DST: variants seen among roughly 807,000 people sequenced by gnomAD.
The protein encoded by DST is dystonin, also known as bullous pemphigoid antigen.
In DST, 253 loss-of-function variants were observed where a neutral mutation model predicts 875.2. The observed-to-expected ratio is 0.29, with a 90% CI of 0.26 to 0.32. The LOEUF (loss-of-function observed/expected upper bound fraction) is 0.32. Ranked by LOEUF, DST falls within the 10% of genes least tolerant of loss-of-function variation. DST has a pLI of 1.00. For synonymous variants in DST, 3,124 were observed against 3,197.1 expected (o/e 0.98, Z 0.77); for missense variants, 8,287 against 9,111.6 (o/e 0.91, Z 3.68).
At chr6:56,674,503 G>T (rs1047171287) in intron 9 of DST, among the ~76,000 whole-genome samples, 1 of 152,032 alleles carries the variant, frequency 6.6e-6, no homozygotes, top group African/African-American at 2.4e-5. Context: ...CACCATGTTG[G>T]CCAGGCTGGT....
chr6:56,469,759 T>C (rs1459687599), intron 97 of DST, 124 bp downstream of exon 97: 10 of 802,338 alleles, frequency 1.2e-5, no homozygotes, highest in Non-Finnish European at 1.9e-5. Flanking sequence ...CATATACCAT[T>C]AAATTTTGAC....
intron 74 of DST, 94 bp from the exon 75 acceptor site, chr6:56,508,849 A>G (rs2096402767): frequency 2.9e-6 from 3 of 1,026,416 alleles, no homozygotes; most frequent in South Asian, 3.4e-5. Flanking sequence ...TAGTGATCCA[A>G]TTTGCTAAGT....
chr6:56,615,807 G>A lies in DST; in HGVS notation c.4930-1323C>T, dbSNP rs200358436. ...GTCAAGTACTGAAATTCCAAACATC[G>A]GATTCCCATTTCCTTATTTATAATA... On this transcript the variant is annotated intron_variant, in intron 36 of 103. Transcript: ENST00000680361. 4.9e-5 allele frequency: 79 copies of A among 1,613,832 alleles called. No individual in the cohort carries two copies. Among genetic ancestry groups the A allele is most frequent in the Non-Finnish European group, 6.2e-5 (73 of 1,180,008 alleles).
At chr6:56,865,261 C>CTGTGTGTGTGTGTGTG (rs35870270) in intron 3 of DST, among the ~76,000 whole-genome samples, 1 of 143,706 alleles carries the variant, frequency 7.0e-6, no homozygotes, top group African/African-American at 2.5e-5. Context: ...CCCTAGTTTT[C>CTGTGTGTGTGTGTGTG]TGTGTGTGTG....
chr6:56,613,607 ATCTTAGCGGAAATTTATTTTT>A (rs2098572976), intron 37 of DST, among the ~76,000 whole-genome samples: 1 of 149,240 alleles, frequency 6.7e-6, no homozygotes, highest in East Asian at 2.0e-4. Flanking sequence ...AACGCTTCTT[ATCTTAGCGGAAATTTATTTTT>A]TTAATACAGC....
At chr6:56,602,215 C>T (rs1326643814) in intron 43 of DST, among the ~76,000 whole-genome samples, 1 of 150,280 alleles carries the variant, frequency 6.7e-6, no homozygotes, top group Non-Finnish European at 1.5e-5. Flanking sequence ...CCAAAAGTGA[C>T]AACATATAAA....
At position 56,470,895 on chromosome 6, in the gene DST, C is replaced by T. The variant is rs950550502; in HGVS notation, c.22321+211G>A. Among the ~76,000 whole-genome samples, 4 of 150,488 alleles carry T rather than the reference C, an allele frequency of 2.7e-5. No homozygotes were observed. The South Asian group carries it at 8.3e-4, about 31-fold the overall frequency. Reference sequence around the variant, plus strand: ...AAGTTCTCAGCCTCAGTGGAGGGAACAACATATCTGTGATTACACAGTTAG... The same window carrying T: ...AAGTTCTCAGCCTCAGTGGAGGGAATAACATATCTGTGATTACACAGTTAG... On this transcript the variant is annotated intron_variant, in intron 95 of 103. Coordinates refer to ENST00000680361, the MANE Select transcript of DST (RefSeq NM_001374736.1).
chr6:56,762,554 A>G (rs1341444618), intron 4 of DST, among the ~76,000 whole-genome samples: 1 of 152,130 alleles, frequency 6.6e-6, no homozygotes, highest in East Asian at 1.9e-4. Context: ...CCCTTTCTTA[A>G]CTATATACTT....
intron 31 of DST, 146 bp downstream of exon 31, chr6:56,630,099 A>G (rs1587148355): frequency 1.5e-6 from 1 of 674,812 alleles, no homozygotes; most frequent in African/African-American, 1.8e-5. Flanking sequence ...ACATACTTAG[A>G]GTAAACTGTG....
intron 9 of DST, among the ~76,000 whole-genome samples, chr6:56,685,134 G>T (rs1002761530): frequency 1.3e-5 from 2 of 152,106 alleles, no homozygotes; most frequent in East Asian, 1.9e-4. Flanking sequence ...TTCAAAAATT[G>T]GTTCCAGACC....
chr6:56,856,382 T>G (rs1767872854), intron 3 of DST, among the ~76,000 whole-genome samples: 1 of 152,150 alleles, frequency 6.6e-6, no homozygotes, highest in Admixed American at 6.5e-5. Flanking sequence ...GCCAAAAGTT[T>G]AAAATCCCAG....
At position 56,532,331 on chromosome 6, in the gene DST, G is replaced by A. The variant is rs2096910290; in HGVS notation, c.17108+13C>T. 1 of 1,611,886 alleles carries A rather than the reference G, an allele frequency of 6.2e-7. No homozygotes were observed. The highest frequency in any genetic ancestry group is 8.5e-7 in the Non-Finnish European group (1 of 1,178,772). On this transcript the variant is annotated intron_variant, in intron 64 of 103. Transcript: ENST00000680361. ...TGCTACTCTTTCAAAAGAACTGGAAGTATATAAGTTACCTTGTTTCAGCTT... is the reference window on the plus strand; with the variant it reads ...TGCTACTCTTTCAAAAGAACTGGAAATATATAAGTTACCTTGTTTCAGCTT...
At chr6:56,799,455 C>T (rs2099744188) in intron 4 of DST, among the ~76,000 whole-genome samples, 1 of 151,764 alleles carries the variant, frequency 6.6e-6, no homozygotes, top group African/African-American at 2.4e-5. Flanking sequence ...TAAGAAATTG[C>T]CACAGCTACT....
chr6:56,937,322 A>G (rs1053197441), intron 2 of DST, among the ~76,000 whole-genome samples: 5 of 152,324 alleles, frequency 3.3e-5, no homozygotes, highest in Non-Finnish European at 7.4e-5. Flanking sequence ...TTAAAATTCA[A>G]TAAGAAAAAA....
intron 58 of DST, among the ~76,000 whole-genome samples, chr6:56,558,088 T>C (rs1288356048): frequency 6.6e-6 from 1 of 152,196 alleles, no homozygotes; most frequent in Non-Finnish European, 1.5e-5. Flanking sequence ...TTTCAAAGGT[T>C]ATCTTTTCTC....
chr6:56,872,820 A>C (rs1777848349), intron 3 of DST, among the ~76,000 whole-genome samples: 2 of 122,696 alleles, frequency 1.6e-5, no homozygotes, highest in Admixed American at 7.6e-5. Context: ...CAATACACTG[A>C]TTCCCCCCCC....
intron 10 of DST, among the ~76,000 whole-genome samples, chr6:56,667,523 T>C (rs2099077912): frequency 6.6e-6 from 1 of 152,162 alleles, no homozygotes; most frequent in Non-Finnish European, 1.5e-5. Flanking sequence ...ACGACAGAAT[T>C]TCAGCAACAA....
rs114899489 is a variant in DST, at chr6:56,902,726, C to T, written c.217-2105G>A. ...AACCGAAAATAGTCCCAGAACATCC[C>T]CACCACTCCCACGTAACTCAGGAGG... On this transcript the variant is annotated intron_variant, in intron 2 of 103. Transcript: ENST00000680361. 7.4e-3 allele frequency among the ~76,000 whole-genome samples: 1,132 copies of T among 152,312 alleles called. 15 individuals are homozygous for T. The highest frequency in any genetic ancestry group is 0.025 in the African/African-American group (1,045 of 41,562).
Position 56,552,731 on chromosome 6 carries a change from A to G in DST, c.16061T>C (p.Leu5354Ser). 1 of 1,612,138 alleles carries G rather than the reference A, an allele frequency of 6.2e-7. No individual in the cohort carries two copies. The highest frequency in any genetic ancestry group is 8.5e-7 in the Non-Finnish European group (1 of 1,179,876). Residue 5354 changes from leucine (L) to serine (S), a missense_variant, in exon 61 of 104, where the codon TTA becomes TCA. By Grantham distance (145) the Leu-to-Ser change is moderately radical. This residue lies in a region of DST where 1,513 missense variants were observed against 1,677.8 expected (regional missense o/e 0.90). Transcript: ENST00000680361. ...CTCTTGAGCTATGGTTTCCACTTGT[A>G]ATAAAACATCAGAGGTTCCCTTTGA... Reference protein sequence around the residue: ...SDSKGTSDVLLQVETIAQEHS... With the variant: ...SDSKGTSDVLSQVETIAQEHS...
Sources: gnomAD v4.1 joint callset for allele counts (sites outside exome capture counted in the v4.1 genomes callset) on GRCh38, gnomAD v4.1.1 for gene constraint, gnomAD v4.1.1 regional missense constraint, MANE v1.5 for transcripts, NCBI Gene and HGNC (gene_info 2026-07-23, HGNC 2026-07-21) for gene names.